The following NAV3 variants were observed in gnomAD, a reference collection of about 807,000 sequenced individuals.
NAV3 encodes the protein pore membrane and/or filament interacting like protein 1.
NAV3 carries 87 observed loss-of-function variants against 244.7 expected under a neutral mutation model. The ratio of observed to expected loss-of-function variants is 0.36; its 90% CI spans 0.30 to 0.42. The LOEUF (loss-of-function observed/expected upper bound fraction) is 0.42, where lower values mean the gene tolerates loss of function less well. NAV3 is among the 20% of genes least tolerant of loss of function. The pLI is 1.00. For synonymous variants in NAV3, 1,126 were observed against 1,042.2 expected (o/e 1.08, Z -1.55); for missense variants, 2,663 against 2,893.3 (o/e 0.92, Z 1.83).
At chr12:77,926,922 A>T (rs1888283225) in intron 1 of NAV3, among the ~76,000 whole-genome samples, 1 of 152,220 alleles carries the variant, frequency 6.6e-6, no homozygotes, top group Non-Finnish European at 1.5e-5. Context: ...TGAACTGCTA[A>T]GGCTTAAACG....
chr12:78,173,274 G>C (rs1958080171), intron 24 of NAV3, among the ~76,000 whole-genome samples: 1 of 151,344 alleles, frequency 6.6e-6, no homozygotes, highest in Non-Finnish European at 1.5e-5. Flanking sequence ...AATCTTTATT[G>C]GTGAATGCAG....
In NAV3 at chr12:78,188,598, T is replaced by C. The variant is rs2139849324; in HGVS notation, c.5887-11T>C. On this transcript the variant is annotated splice_polypyrimidine_tract_variant and intron_variant, in intron 32 of 39. Coordinates refer to ENST00000397909, the MANE Select transcript of NAV3 (RefSeq NM_001024383.2). The stretch of plus-strand genomic sequence containing the variant: ...CTGTTTTGATTTTATTTTTTGTGTG[T>C]ACCATTGTAGGAATATGTATTCCGA... 1 of 1,607,650 alleles carries C rather than the reference T, an allele frequency of 6.2e-7. No individual in the cohort carries two copies. Among genetic ancestry groups the C allele is most frequent in the Non-Finnish European group, 8.5e-7 (1 of 1,176,588 alleles).
In NAV3 at chr12:77,867,483, G is replaced by C. The variant is rs867248534; in HGVS notation, c.243+35779G>C. On this transcript the variant is annotated intron_variant, in intron 1 of 39. Coordinates refer to ENST00000397909, the MANE Select transcript of NAV3 (RefSeq NM_001024383.2). Reference sequence around the variant, plus strand: ...CACACAGGCTGGAGTGCAGTGGCGCGATCTCAGCTCACTGCCAGCTCCGCC... The same window carrying C: ...CACACAGGCTGGAGTGCAGTGGCGCCATCTCAGCTCACTGCCAGCTCCGCC... 3.3e-5 allele frequency among the ~76,000 whole-genome samples: 5 copies of C among 152,038 alleles called. 1 individual carries two copies. Among genetic ancestry groups the C allele is most frequent in the African/African-American group, 7.2e-5 (3 of 41,404 alleles).
intron 2 of NAV3, among the ~76,000 whole-genome samples, chr12:77,721,685 A>C (rs934936530): frequency 1.3e-5 from 2 of 152,124 alleles, no homozygotes; most frequent in Non-Finnish European, 2.9e-5. Flanking sequence ...CAATAATTCA[A>C]GGTCTGTAAT....
At chr12:77,915,763 T>C (rs1400400295) in intron 1 of NAV3, among the ~76,000 whole-genome samples, 3 of 152,002 alleles carry the variant, frequency 2.0e-5, no homozygotes. Flanking sequence ...TGGTAAGGTC[T>C]TTGATATGTG....
chr12:78,047,133 GTGAAGCTTA>G (rs1881942291), intron 9 of NAV3, among the ~76,000 whole-genome samples: 1 of 152,000 alleles, frequency 6.6e-6, no homozygotes, highest in African/African-American at 2.4e-5. Flanking sequence ...GTCTTTGCAC[GTGAAGCTTA>G]TGAAGCTTAG....
At chr12:77,769,919 C>G (rs1343896990) in intron 2 of NAV3, among the ~76,000 whole-genome samples, 1 of 151,952 alleles carries the variant, frequency 6.6e-6, no homozygotes, top group African/African-American at 2.4e-5. Flanking sequence ...AATGTTTGAC[C>G]AGGTAACTAG....
chr12:78,174,297 C>A (rs404149), intron 24 of NAV3, among the ~76,000 whole-genome samples: 2 of 151,522 alleles, frequency 1.3e-5, no homozygotes, highest in Non-Finnish European at 3.0e-5. Flanking sequence ...AAACAGATAC[C>A]TTTAACATGA....
intron 2 of NAV3, among the ~76,000 whole-genome samples, chr12:77,575,491 C>T (rs1292579838): frequency 1.3e-5 from 2 of 151,998 alleles, no homozygotes; most frequent in Non-Finnish European, 2.9e-5. Context: ...ACCTGAATGC[C>T]CATAATGGAG....
At chr12:78,061,677 T>C (rs1465224171) in intron 12 of NAV3, among the ~76,000 whole-genome samples, 1 of 152,102 alleles carries the variant, frequency 6.6e-6, no homozygotes, top group Non-Finnish European at 1.5e-5. Context: ...AATGTTGTAG[T>C]TGTATGACTC....
chr12:77,876,515 G>A (rs959625736), intron 1 of NAV3, among the ~76,000 whole-genome samples: 2 of 152,000 alleles, frequency 1.3e-5, no homozygotes, highest in African/African-American at 2.4e-5. Context: ...ATACACATGT[G>A]CATTTAATTT....
At chr12:77,901,633 G>A (rs532131917) in intron 1 of NAV3, among the ~76,000 whole-genome samples, 7 of 152,096 alleles carry the variant, frequency 4.6e-5, no homozygotes, top group Non-Finnish European at 7.4e-5. Flanking sequence ...TCACTTGAAC[G>A]CAGGAGGCAG....
At chr12:77,967,543 C>T (rs927300755) in intron 4 of NAV3, among the ~76,000 whole-genome samples, 1 of 152,034 alleles carries the variant, frequency 6.6e-6, no homozygotes, top group Non-Finnish European at 1.5e-5. Context: ...GGTTAATTTT[C>T]CTAAACTCCA....
intron 2 of NAV3, among the ~76,000 whole-genome samples, chr12:77,723,288 T>A (rs1240467449): frequency 6.6e-6 from 1 of 151,762 alleles, no homozygotes; most frequent in East Asian, 1.9e-4. Context: ...GGAGAAGATC[T>A]CTGTATGCCT....
intron 2 of NAV3, among the ~76,000 whole-genome samples, chr12:77,717,630 G>A (rs1876420330): frequency 2.0e-5 from 3 of 152,004 alleles, no homozygotes; most frequent in Admixed American, 1.3e-4. Flanking sequence ...TGGGATTGCT[G>A]CATCATATGG....
Position 77,684,893 on chromosome 12 carries a change from C to A in NAV3, c.72+112627C>A, listed in dbSNP as rs898714901. ...CCATACAGATATATATTTAACCCAGCAAAATATTTTGAAAAAATTTTCCTT... is the reference window on the plus strand; with the variant it reads ...CCATACAGATATATATTTAACCCAGAAAAATATTTTGAAAAAATTTTCCTT... On this transcript the variant is annotated intron_variant, in intron 2 of 8. Transcript: ENST00000550042. 3.9e-5 allele frequency among the ~76,000 whole-genome samples: 6 copies of A among 152,200 alleles called. No homozygotes were observed. The South Asian group carries it at 8.3e-4, about 21-fold the overall frequency.
chr12:77,799,289 A>G (rs1871582164), intron 2 of NAV3, among the ~76,000 whole-genome samples: 1 of 152,248 alleles, frequency 6.6e-6, no homozygotes. Flanking sequence ...CATCTACCAC[A>G]AATACAACTT....
At chr12:77,938,387 T>C (rs1372819109) in intron 1 of NAV3, among the ~76,000 whole-genome samples, 2 of 152,156 alleles carry the variant, frequency 1.3e-5, no homozygotes, top group African/African-American at 2.4e-5. Flanking sequence ...GCAAGTAATT[T>C]TTCTTACCCT....
At chr12:77,706,740 G>A (rs1455083034) in intron 2 of NAV3, among the ~76,000 whole-genome samples, 2 of 149,938 alleles carry the variant, frequency 1.3e-5, no homozygotes, top group African/African-American at 2.5e-5. Flanking sequence ...GCGTGGTGGC[G>A]GGCGCCTGTA....
Sources: allele counts gnomAD v4.1 joint callset (sites outside exome capture counted in the v4.1 genomes callset), GRCh38; gene constraint gnomAD v4.1.1; transcripts MANE v1.5; gene names NCBI Gene and HGNC (gene_info 2026-07-23, HGNC 2026-07-21).